Variants in PRKAG2 observed in about 807,000 individuals in gnomAD.
The protein encoded by PRKAG2 is 5'-AMP-activated protein kinase subunit gamma-2.
In PRKAG2, 26 loss-of-function variants were observed where a neutral mutation model predicts 69.6. The observed-to-expected ratio is 0.37, with a 90% confidence interval of 0.27 to 0.52. PRKAG2 has a LOEUF of 0.52. Ranked by LOEUF, PRKAG2 falls within the 20% of genes least tolerant of loss-of-function variation. PRKAG2 has a pLI of 0.90. For missense variants in PRKAG2, 557 were observed against 740.0 expected (o/e 0.75, Z 2.87); for synonymous variants, 293 against 285.0 (o/e 1.03, Z -0.28).
At chr7:151,559,435 T>C (rs1044963402) in intron 15 of PRKAG2, 3 of 985,316 alleles carry the variant, frequency 3.0e-6, no homozygotes, top group Non-Finnish European at 2.4e-6. Context: ...GCCCCATTTC[T>C]AGAGTTTCTG....
chr7:151,657,915 T>A (rs980778416), intron 4 of PRKAG2, among the ~76,000 whole-genome samples: 1 of 152,096 alleles, frequency 6.6e-6, no homozygotes, highest in African/African-American at 2.4e-5. Context: ...CCCAGCACTT[T>A]GGGAGGCCAA....
At chr7:151,873,117 A>G (rs75087342) in intron 1 of PRKAG2, among the ~76,000 whole-genome samples, 1 of 152,218 alleles carries the variant, frequency 6.6e-6, no homozygotes, top group Non-Finnish European at 1.5e-5. Context: ...CCCTATGTCC[A>G]GGTCCTTCCT....
intron 1 of PRKAG2, among the ~76,000 whole-genome samples, chr7:151,797,280 C>T (rs985406702): frequency 1.3e-5 from 2 of 149,658 alleles, no homozygotes; most frequent in African/African-American, 4.9e-5. Context: ...ACACACCCAG[C>T]GGTTTTGGTT....
chr7:151,687,334 G>C (rs2536088), intron 3 of PRKAG2, among the ~76,000 whole-genome samples: 94,828 of 151,834 alleles, frequency 0.62, 30,169 homozygotes, highest in Middle Eastern at 0.76. Context: ...AAGCAGTCCT[G>C]GGGAGGCACA....
rs2076673108 is a variant in PRKAG2, at chr7:151,781,576, A to G, written c.187-145T>C. ...GAGAAACAGCCCTAAGCTCTTCCAC[A>G]GAGGTAGCCACTGAATGGTCTGCAG... On this transcript the variant is annotated intron_variant, in intron 2 of 15. Transcript: ENST00000287878. The surrounding 1 kb of genome is among the most constrained non-coding windows in gnomAD (Gnocchi z 6.1). 9.3e-7 allele frequency: 1 copy of G among 1,074,752 alleles called. No homozygotes were observed. The highest frequency in any genetic ancestry group is 2.1e-5 in the Admixed American group (1 of 47,582). The allele number at this position is 1,074,752 out of a possible 1,614,324, so 66.6% of individuals were successfully genotyped here.
chr7:151,799,406 C>A (rs1390903504), intron 1 of PRKAG2, among the ~76,000 whole-genome samples: 1 of 152,238 alleles, frequency 6.6e-6, no homozygotes, highest in Non-Finnish European at 1.5e-5. Context: ...GGCTGGCCAT[C>A]CCTCGCACGG....
chr7:151,741,012 T>G (rs1453773073), intron 3 of PRKAG2, among the ~76,000 whole-genome samples: 1 of 152,244 alleles, frequency 6.6e-6, no homozygotes, highest in Non-Finnish European at 1.5e-5. Flanking sequence ...CTTTTTTTCT[T>G]TTTAAAAATC....
chr7:151,876,907 G>T lies in PRKAG2; in HGVS notation c.-287C>A, dbSNP rs75059373. The stretch of plus-strand genomic sequence containing the variant: ...GGGTTACTCGTGGCTGAGGTCTCCC[G>T]CTGGGTGACAAAGTTTTCTTCCTTT... On this transcript the variant is annotated 5_prime_UTR_variant, in exon 1 of 16. Coordinates refer to ENST00000287878, the MANE Select transcript of PRKAG2 (RefSeq NM_016203.4). 18 of 520,762 alleles carry T rather than the reference G, an allele frequency of 3.5e-5. No homozygotes were observed. The highest frequency in any genetic ancestry group is 7.7e-5 in the African/African-American group (4 of 52,284). The allele number at this position is 520,762 out of a possible 1,614,324, so 32.3% of individuals were successfully genotyped here.
chr7:151,744,004 T>C (rs2074094261), intron 3 of PRKAG2, among the ~76,000 whole-genome samples: 1 of 152,092 alleles, frequency 6.6e-6, no homozygotes, highest in Non-Finnish European at 1.5e-5. Context: ...ACAGCAGAGC[T>C]GGGGGCGAGA....
intron 1 of PRKAG2, among the ~76,000 whole-genome samples, chr7:151,865,261 C>G (rs986268123): frequency 2.0e-5 from 3 of 152,218 alleles, no homozygotes; most frequent in African/African-American, 7.2e-5. Flanking sequence ...CCCCGCGGCT[C>G]GGCTGGCATG....
intron 15 of PRKAG2, chr7:151,560,096 G>C (rs1050551369): frequency 1.0e-6 from 1 of 984,364 alleles, no homozygotes; most frequent in Non-Finnish European, 1.2e-6. Flanking sequence ...TTGTGTTTAG[G>C]TATTCTGTTT....
At chr7:151,666,981 C>G (rs1831144002) in intron 4 of PRKAG2, among the ~76,000 whole-genome samples, 1 of 152,224 alleles carries the variant, frequency 6.6e-6, no homozygotes, top group Non-Finnish European at 1.5e-5. Context: ...ACCCTGCCAA[C>G]TGACAACCTT....
chr7:151,750,751 T>C (rs899540137), intron 3 of PRKAG2, among the ~76,000 whole-genome samples: 12 of 152,076 alleles, frequency 7.9e-5, no homozygotes, highest in African/African-American at 2.2e-4. Flanking sequence ...CACAGTGGTA[T>C]GTTCCTGTCG....
intron 1 of PRKAG2, chr7:151,806,920 C>T (rs777878080): frequency 4.9e-5 from 22 of 444,874 alleles, no homozygotes; most frequent in African/African-American, 8.1e-5. Flanking sequence ...GAGCCAAGAT[C>T]GCACCATTGC....
chr7:151,664,195 C>T (rs1369130814), intron 4 of PRKAG2, among the ~76,000 whole-genome samples: 4 of 152,184 alleles, frequency 2.6e-5, no homozygotes, highest in Admixed American at 2.0e-4. Context: ...GCTGAGAACA[C>T]GGATTCTGGA....
chr7:151,837,044 C>T (rs956691913), intron 1 of PRKAG2, among the ~76,000 whole-genome samples: 8 of 152,102 alleles, frequency 5.3e-5, no homozygotes, highest in Admixed American at 1.3e-4. Context: ...CTGGGCGCTG[C>T]GAGGAAAACA....
At chr7:151,841,378 G>A (rs1303082208) in intron 1 of PRKAG2, among the ~76,000 whole-genome samples, 1 of 151,342 alleles carries the variant, frequency 6.6e-6, no homozygotes, top group Non-Finnish European at 1.5e-5. Context: ...GTGATGGTAG[G>A]TAATGATGGT....
intron 3 of PRKAG2, among the ~76,000 whole-genome samples, chr7:151,726,060 G>T (rs1399617108): frequency 6.6e-6 from 1 of 152,146 alleles, no homozygotes; most frequent in East Asian, 1.9e-4. Flanking sequence ...GAAGCAGGCA[G>T]CCTCAGAGAT....
intron 14 of PRKAG2, among the ~76,000 whole-genome samples, chr7:151,563,786 C>T (rs143643591): frequency 1.3e-5 from 2 of 152,300 alleles, no homozygotes; most frequent in East Asian, 1.9e-4. Context: ...CTTATTATGT[C>T]GTCCACACTG....
Sources: gnomAD v4.1 joint callset for allele counts (sites outside exome capture counted in the v4.1 genomes callset) on GRCh38, gnomAD v4.1.1 for gene constraint, Gnocchi (gnomAD v3.1) non-coding constraint, MANE v1.5 for transcripts, NCBI Gene and HGNC (gene_info 2026-07-23, HGNC 2026-07-21) for gene names.